ATL1: variants seen among roughly 807,000 people sequenced by gnomAD.
ATL1 encodes atlastin-1.
In ATL1, 31 loss-of-function variants were observed where a neutral mutation model predicts 75.5. The observed-to-expected ratio is 0.41, with a 90% CI of 0.31 to 0.55. The LOEUF (loss-of-function observed/expected upper bound fraction) is 0.55. ATL1 is among the 20% of genes least tolerant of loss of function. ATL1 has a pLI of 0.27. For synonymous variants in ATL1, 226 were observed against 233.3 expected (o/e 0.97, Z 0.28); for missense variants, 405 against 662.6 (o/e 0.61, Z 4.27).
chr14:50,568,217 G>A (rs553078619), intron 1 of ATL1, among the ~76,000 whole-genome samples: 19 of 152,120 alleles, frequency 1.2e-4, no homozygotes, highest in South Asian at 2.1e-4. Flanking sequence ...TTCAAATGCC[G>A]TATTAAAACT....
At chr14:50,600,746 T>G (rs1376802523) in intron 6 of ATL1, among the ~76,000 whole-genome samples, 1 of 152,014 alleles carries the variant, frequency 6.6e-6, no homozygotes, top group Non-Finnish European at 1.5e-5. Context: ...TGGGGAAATT[T>G]TAAACATTGC....
chr14:50,534,591 G>A (rs1314220024), intron 1 of ATL1, among the ~76,000 whole-genome samples: 2 of 152,200 alleles, frequency 1.3e-5, no homozygotes, highest in African/African-American at 4.8e-5. Flanking sequence ...CCTGGAGTGC[G>A]GATATTTTAT....
chr14:50,547,720 C>T (rs1032276604), intron 1 of ATL1, among the ~76,000 whole-genome samples: 18 of 152,262 alleles, frequency 1.2e-4, no homozygotes, highest in Non-Finnish European at 2.5e-4. Flanking sequence ...TATCTGCTGC[C>T]GTACCCAATA....
At chr14:50,623,816 C>T (rs1232413363) in intron 11 of ATL1, among the ~76,000 whole-genome samples, 2 of 151,818 alleles carry the variant, frequency 1.3e-5, no homozygotes, top group Non-Finnish European at 2.9e-5. Context: ...TTTGGGAGGC[C>T]GAGGCAGGTG....
At chr14:50,573,739 A>G (rs549300196) in intron 1 of ATL1, among the ~76,000 whole-genome samples, 2 of 152,262 alleles carry the variant, frequency 1.3e-5, no homozygotes, top group Non-Finnish European at 2.9e-5. Context: ...TAAAGTTCTC[A>G]GATATGTTTT....
At chr14:50,623,779 G>A (rs566533269) in intron 11 of ATL1, among the ~76,000 whole-genome samples, 37 of 152,136 alleles carry the variant, frequency 2.4e-4, no homozygotes, top group Non-Finnish European at 3.2e-4. Flanking sequence ...GGCTGGGTGC[G>A]GTGGCTCATG....
chr14:50,592,786 C>T (rs2039172195), intron 4 of ATL1, among the ~76,000 whole-genome samples: 2 of 150,974 alleles, frequency 1.3e-5, no homozygotes, highest in Non-Finnish European at 3.0e-5. Flanking sequence ...TGGCAGGCGC[C>T]TGTAGTCCCA....
chr14:50,556,466 C>A (rs2038766710), upstream of ATL1, among the ~76,000 whole-genome samples: 1 of 152,156 alleles, frequency 6.6e-6, no homozygotes, highest in African/African-American at 2.4e-5. Flanking sequence ...GATCCTCCCA[C>A]CTCAGCTTCC....
At chr14:50,581,957 T>C (rs1268070701) in intron 1 of ATL1, among the ~76,000 whole-genome samples, 2 of 152,192 alleles carry the variant, frequency 1.3e-5, no homozygotes, top group African/African-American at 4.8e-5. Context: ...TTATTGGTAC[T>C]AATATCACAA....
At position 50,594,253 on chromosome 14, in the gene ATL1, T is replaced by TGGCGAGAAC. The variant is rs1441298434; in HGVS notation, c.573+358_573+366dup. ...CAGATCTGTGAGAACTCACTCACTA[T>TGGCGAGAAC]GGCGAGAACAGCGAGAACAGAGAAC... is the stretch of plus-strand genomic sequence containing the variant. On this transcript the variant is annotated intron_variant, in intron 5 of 13. Transcript: ENST00000358385. 9.8e-5 allele frequency among the ~76,000 whole-genome samples: 15 copies of TGGCGAGAAC among 152,318 alleles called. 2 individuals are homozygous for TGGCGAGAAC. Among genetic ancestry groups the TGGCGAGAAC allele is most frequent in the Admixed American group, 7.2e-4 (11 of 15,306 alleles).
chr14:50,567,678 TATCTC>T (rs1342938995), intron 1 of ATL1, among the ~76,000 whole-genome samples: 4 of 152,226 alleles, frequency 2.6e-5, no homozygotes, highest in African/African-American at 9.6e-5. Flanking sequence ...TGTGATGTGA[TATCTC>T]ATTGTAGTTT....
At chr14:50,568,472 A>G (rs2038924925) in intron 1 of ATL1, among the ~76,000 whole-genome samples, 2 of 151,398 alleles carry the variant, frequency 1.3e-5, no homozygotes, top group Admixed American at 6.6e-5. Flanking sequence ...ATCTTTTCTG[A>G]TATTAGTATT....
chr14:50,540,683 A>G (rs2038549871), intron 1 of ATL1, among the ~76,000 whole-genome samples: 1 of 152,228 alleles, frequency 6.6e-6, no homozygotes, highest in Non-Finnish European at 1.5e-5. Context: ...GTGGGACTAA[A>G]GATCCACTCT....
intron 1 of ATL1, among the ~76,000 whole-genome samples, chr14:50,582,587 GTTGT>G (rs1485198202): frequency 1.2e-4 from 7 of 58,246 alleles, no homozygotes; most frequent in Admixed American, 1.1e-3. Context: ...TTTTTGTGTT[GTTGT>G]TTTTTTTTTT....
intron 6 of ATL1, among the ~76,000 whole-genome samples, chr14:50,607,806 T>C (rs1008128240): frequency 6.6e-6 from 1 of 152,138 alleles, no homozygotes; most frequent in Non-Finnish European, 1.5e-5. Flanking sequence ...TATAAGCTTT[T>C]TATACTGACA....
intron 1 of ATL1, among the ~76,000 whole-genome samples, chr14:50,571,190 A>T (rs1220929425): frequency 6.6e-6 from 1 of 152,146 alleles, no homozygotes; most frequent in East Asian, 1.9e-4. Context: ...CACCTCCATG[A>T]TCAGAAGCAG....
At chr14:50,614,102 A>C (rs2039392054) in intron 7 of ATL1, among the ~76,000 whole-genome samples, 1 of 152,144 alleles carries the variant, frequency 6.6e-6, no homozygotes, top group Admixed American at 6.5e-5. Flanking sequence ...TTAAAACCCC[A>C]CTAATTTGTA....
chr14:50,582,009 G>A (rs2039060243), intron 1 of ATL1, among the ~76,000 whole-genome samples: 1 of 152,094 alleles, frequency 6.6e-6, no homozygotes, highest in South Asian at 2.1e-4. Context: ...GGCCAGTCGC[G>A]GTGGCTCATG....
chr14:50,583,784 T>TATTATATTATATTA, intron 1 of ATL1, among the ~76,000 whole-genome samples: 1 of 152,298 alleles, frequency 6.6e-6, no homozygotes, highest in South Asian at 2.1e-4. Flanking sequence ...CAGTAACTTT[T>TATTATATTATATTA]TATGAAGCTA....
Sources: gnomAD v4.1 joint callset for allele counts (sites outside exome capture counted in the v4.1 genomes callset) on GRCh38, gnomAD v4.1.1 for gene constraint, MANE v1.5 for transcripts, NCBI Gene and HGNC (gene_info 2026-07-23, HGNC 2026-07-21) for gene names.